Variants in PBX1 observed in about 807,000 individuals in gnomAD.
PBX1 encodes pre-B-cell leukemia transcription factor 1.
PBX1 carries 6 observed loss-of-function variants against 53.4 expected under a neutral mutation model. The ratio of observed to expected loss-of-function variants is 0.11; its 90% confidence interval spans 0.06 to 0.22. The LOEUF (loss-of-function observed/expected upper bound fraction) is 0.22. Among genes scored for constraint, PBX1 ranks in the 10% least tolerant of loss-of-function variants. The pLI, the probability that PBX1 is intolerant of heterozygous loss-of-function variation, is 1.00. For synonymous variants in PBX1, 204 were observed against 212.3 expected (o/e 0.96, Z 0.34); for missense variants, 251 against 551.4 (o/e 0.46, Z 5.46).
chr1:164,586,582 T>C (rs1333755723), intron 2 of PBX1, among the ~76,000 whole-genome samples: 4 of 152,188 alleles, frequency 2.6e-5, no homozygotes, highest in African/African-American at 9.7e-5. Context: ...CCAGGGAGGT[T>C]GTGAATCTCT....
chr1:164,616,638 A>G (rs1481028660), intron 2 of PBX1, among the ~76,000 whole-genome samples: 1 of 152,202 alleles, frequency 6.6e-6, no homozygotes, highest in Non-Finnish European at 1.5e-5. Flanking sequence ...TAAGAGGCAT[A>G]TTCTCTGATA....
At position 164,654,149 on chromosome 1, in the gene PBX1, T is replaced by C. The variant is rs142706412; in HGVS notation, c.265+90838T>C. On this transcript the variant is annotated intron_variant, in intron 2 of 8. Coordinates refer to ENST00000420696, the MANE Select transcript of PBX1 (RefSeq NM_002585.4). The stretch of plus-strand genomic sequence containing the variant: ...GGGGGTAGGGTGTCTAGCTCTAATA[T>C]TTGCATTTTGTAGATGGGGACAATA... Among the ~76,000 whole-genome samples the C allele has an allele frequency of 5.1e-4, 77 of 152,264 alleles. No individual in the cohort carries two copies. In the East Asian group the frequency reaches 0.015, roughly 29 times the overall value.
chr1:164,634,646 T>C (rs2792250), intron 2 of PBX1, among the ~76,000 whole-genome samples: 150,849 of 152,292 alleles, frequency 0.99, 74,722 homozygotes, highest in Middle Eastern at 1. Flanking sequence ...AAGGAAGTGT[T>C]GGCTCCCCAT....
intron 2 of PBX1, among the ~76,000 whole-genome samples, chr1:164,649,556 A>G (rs945752945): frequency 3.3e-5 from 5 of 151,948 alleles, no homozygotes; most frequent in Non-Finnish European, 7.4e-5. Flanking sequence ...AGTTGTTCCT[A>G]TGTGTGGCTT....
chr1:164,600,246 CTTTTTTTTTTTTT>C (rs71097539), intron 2 of PBX1, among the ~76,000 whole-genome samples: 22 of 121,824 alleles, frequency 1.8e-4, no homozygotes, highest in East Asian at 3.2e-4. Flanking sequence ...TATGCTGCTG[CTTTTTTTTTTTTT>C]TTTTTTTTTT....
intron 2 of PBX1, among the ~76,000 whole-genome samples, chr1:164,598,398 C>T (rs1655913043): frequency 6.6e-6 from 1 of 152,138 alleles, no homozygotes; most frequent in Admixed American, 6.5e-5. Flanking sequence ...GAGACCAAGG[C>T]ACACTGTGGA....
intron 2 of PBX1, among the ~76,000 whole-genome samples, chr1:164,610,303 A>AAG (rs1192986949): frequency 6.6e-6 from 1 of 152,092 alleles, no homozygotes; most frequent in East Asian, 1.9e-4. Flanking sequence ...CCTTTGAAGC[A>AAG]AGAAGGGGCT....
At chr1:164,780,287 T>C (rs1223111481) in intron 2 of PBX1, among the ~76,000 whole-genome samples, 2 of 152,226 alleles carry the variant, frequency 1.3e-5, no homozygotes, top group South Asian at 2.1e-4. Context: ...TCTGCTCCAG[T>C]GCTGCTTCCT....
At chr1:164,585,526 T>G (rs1268081230) in intron 2 of PBX1, among the ~76,000 whole-genome samples, 1 of 152,198 alleles carries the variant, frequency 6.6e-6, no homozygotes, top group Non-Finnish European at 1.5e-5. Context: ...GCAAGGAATC[T>G]CACTGTAGTC....
intron 2 of PBX1, among the ~76,000 whole-genome samples, chr1:164,754,294 T>A (rs1299285077): frequency 6.6e-6 from 1 of 152,176 alleles, no homozygotes; most frequent in Non-Finnish European, 1.5e-5. Flanking sequence ...GGATCTTGGG[T>A]CTGTGCTGCT....
At chr1:164,653,072 G>A (rs777586567) in intron 2 of PBX1, among the ~76,000 whole-genome samples, 87 of 151,998 alleles carry the variant, frequency 5.7e-4, no homozygotes, top group Non-Finnish European at 1.1e-3. Flanking sequence ...TTGCCATGTT[G>A]GCCAGGGTGG....
intron 2 of PBX1, among the ~76,000 whole-genome samples, chr1:164,781,334 G>A (rs570552383): frequency 5.3e-5 from 8 of 152,208 alleles, no homozygotes; most frequent in South Asian, 2.1e-4. Context: ...GGGTGCATTG[G>A]GATCTCTCTT....
intron 2 of PBX1, among the ~76,000 whole-genome samples, chr1:164,753,643 G>A (rs139545074): frequency 2.0e-5 from 3 of 152,312 alleles, no homozygotes; most frequent in East Asian, 1.9e-4. Flanking sequence ...CAGCCCTTGC[G>A]TGGTTTTGAC....
chr1:164,699,377 C>T lies in PBX1; in HGVS notation c.266-93117C>T, dbSNP rs537707389. On this transcript the variant is annotated intron_variant, in intron 2 of 8. Transcript: ENST00000420696. ...TAACGTTTTTGTGCCTTTCTACCTGCTCGTGGGTTCCAGAGTCTCTGTTGC... is the reference window on the plus strand; with the variant it reads ...TAACGTTTTTGTGCCTTTCTACCTGTTCGTGGGTTCCAGAGTCTCTGTTGC... Among the ~76,000 whole-genome samples the T allele has an allele frequency of 3.3e-5, 5 of 152,288 alleles. No homozygotes were observed. In the South Asian group the frequency reaches 1.0e-3, roughly 32 times the overall value.
At chr1:164,678,150 A>G (rs1373905829) in intron 2 of PBX1, among the ~76,000 whole-genome samples, 1 of 152,066 alleles carries the variant, frequency 6.6e-6, no homozygotes, top group Non-Finnish European at 1.5e-5. Context: ...GATCCAATGG[A>G]ATTGTTTACT....
At chr1:164,835,239 G>GTTTTTTTTTTTT (rs71670294) in intron 8 of PBX1, among the ~76,000 whole-genome samples, 3 of 136,118 alleles carry the variant, frequency 2.2e-5, no homozygotes, top group Non-Finnish European at 4.8e-5. Context: ...TTTGATTTTG[G>GTTTTTTTTTTTT]TTTTTTTTTT....
rs185229982 is a variant in PBX1, at chr1:164,833,193, G to A, written c.1200+11567G>A. On this transcript the variant is annotated intron_variant, in intron 8 of 8. Coordinates refer to ENST00000420696, the MANE Select transcript of PBX1 (RefSeq NM_002585.4). ...GCATCAGGGCAATAACCCTCCCCTC[G>A]CTAAAAAAACAAAAACAAAAAAAAA... is the stretch of plus-strand genomic sequence containing the variant. 2.7e-3 allele frequency among the ~76,000 whole-genome samples: 337 copies of A among 126,430 alleles called. 5 individuals carry two copies. The highest frequency in any genetic ancestry group is 9.5e-3 in the African/African-American group (307 of 32,426). The allele number at this position is 126,430 out of a possible 152,430, so 82.9% of individuals were successfully genotyped here. A position where few individuals can be genotyped will look rare whatever the true frequency, so the allele number is the denominator to read the frequency against.
chr1:164,841,011 G>A (rs1018395906), intron 8 of PBX1, among the ~76,000 whole-genome samples: 7 of 152,056 alleles, frequency 4.6e-5, no homozygotes, highest in Non-Finnish European at 8.8e-5. Context: ...GCGATGTGTC[G>A]GGCACTGTGG....
intron 8 of PBX1, among the ~76,000 whole-genome samples, chr1:164,836,365 A>G (rs1671039245): frequency 1.3e-5 from 2 of 152,026 alleles, no homozygotes; most frequent in Admixed American, 1.3e-4. Context: ...AGATTCTGGG[A>G]CTCTTTAAAA....
Sources: allele counts gnomAD v4.1 joint callset (sites outside exome capture counted in the v4.1 genomes callset), GRCh38; gene constraint gnomAD v4.1.1; transcripts MANE v1.5; gene names NCBI Gene and HGNC (gene_info 2026-07-23, HGNC 2026-07-21).